The following SSH2 variants were observed in gnomAD, a reference collection of about 807,000 sequenced individuals.
SSH2 encodes protein phosphatase Slingshot homolog 2.
SSH2 carries 37 observed loss-of-function variants against 135.2 expected under a neutral mutation model. The ratio of observed to expected loss-of-function variants is 0.27; its 90% CI spans 0.21 to 0.36. The LOEUF is 0.36. SSH2 is among the 10% of genes least tolerant of loss of function. The pLI is 1.00. For missense variants in SSH2, 1,408 were observed against 1,765.3 expected (o/e 0.80, Z 3.63); for synonymous variants, 628 against 646.2 (o/e 0.97, Z 0.43).
chr17:29,869,795 G>T (rs150161808), intron 1 of SSH2, among the ~76,000 whole-genome samples: 2 of 152,134 alleles, frequency 1.3e-5, no homozygotes, highest in Admixed American at 1.3e-4. Flanking sequence ...CAGGAAGGTC[G>T]CCTGCAGAAA....
At chr17:29,744,031 G>T (rs767572076) in intron 3 of SSH2, among the ~76,000 whole-genome samples, 6 of 149,092 alleles carry the variant, frequency 4.0e-5, no homozygotes, top group Non-Finnish European at 8.9e-5. Flanking sequence ...TGATAAAATA[G>T]TCTCTGTGTC....
chr17:29,692,164 AAT>A (rs1440050011), intron 5 of SSH2, among the ~76,000 whole-genome samples: 4 of 100,860 alleles, frequency 4.0e-5, no homozygotes, highest in African/African-American at 8.1e-5. Flanking sequence ...ATAAATAAAA[AAT>A]AAAAAAAAAA....
chr17:29,848,971 G>C, intron 1 of SSH2, 42 bp from the exon 2 acceptor site: 1 of 1,374,970 alleles, frequency 7.3e-7, no homozygotes, highest in Non-Finnish European at 1.0e-6. Flanking sequence ...CAAACGAATG[G>C]GCCCATAAGC....
chr17:29,887,390 G>A (rs1330123847), intron 1 of SSH2, among the ~76,000 whole-genome samples: 1 of 152,118 alleles, frequency 6.6e-6, no homozygotes, highest in Non-Finnish European at 1.5e-5. Flanking sequence ...TATTTCCTAG[G>A]TCCTATTTCC....
At chr17:29,666,270 A>T (rs948516378) in intron 11 of SSH2, among the ~76,000 whole-genome samples, 8 of 152,178 alleles carry the variant, frequency 5.3e-5, no homozygotes, top group African/African-American at 1.9e-4. Context: ...GCTACTCAGG[A>T]GGCTGAGAAG....
intron 1 of SSH2, among the ~76,000 whole-genome samples, chr17:29,910,521 A>T (rs1247296916): frequency 7.9e-5 from 12 of 152,258 alleles, no homozygotes; most frequent in Non-Finnish European, 2.9e-5. Context: ...CAAAGATTAT[A>T]TCATTATATA....
At chr17:29,658,509 C>A (rs1218366160) in intron 11 of SSH2, among the ~76,000 whole-genome samples, 1 of 152,072 alleles carries the variant, frequency 6.6e-6, no homozygotes, top group Non-Finnish European at 1.5e-5. Context: ...TTTTTCTATT[C>A]TTTCCCATTT....
rs1416629624 is a variant in SSH2 at position 29,631,795 on chromosome 17, G to A, written c.3399C>T (p.Ser1133=). The A allele has an allele frequency of 1.2e-6, 2 of 1,614,214 alleles. No individual in the cohort carries two copies. The highest frequency in any genetic ancestry group is 2.2e-5 in the East Asian group (1 of 44,882). ...ILSSPEDRGS[S]LSTALETAAP... The stretch of plus-strand genomic sequence containing the variant: ...CTGCTGTCTCCAGGGCTGTGGACAG[G>A]CTGCTGCCTCTGTCTTCAGGGCTAC... Residue 1133 remains serine, a synonymous_variant, in exon 16 of 16, where the codon AGC becomes AGT. Transcript: ENST00000540801.
chr17:29,727,681 G>T (rs565874754), intron 3 of SSH2, among the ~76,000 whole-genome samples: 6 of 152,268 alleles, frequency 3.9e-5, no homozygotes, highest in Admixed American at 1.3e-4. Context: ...AAATGCAATT[G>T]TAACACTTAA....
intron 1 of SSH2, among the ~76,000 whole-genome samples, chr17:29,872,146 T>C (rs530666119): frequency 6.6e-6 from 1 of 152,368 alleles, no homozygotes; most frequent in Admixed American, 6.5e-5. Context: ...TTGTTTCTTT[T>C]GTATTATGCA....
chr17:29,734,871 T>A (rs189318223), intron 3 of SSH2, among the ~76,000 whole-genome samples: 27 of 152,282 alleles, frequency 1.8e-4, no homozygotes, highest in Middle Eastern at 3.4e-3. Flanking sequence ...GAGAAAAACA[T>A]TAGCTCACAT....
intron 3 of SSH2, among the ~76,000 whole-genome samples, chr17:29,772,419 G>A (rs889655314): frequency 6.6e-6 from 1 of 151,830 alleles, no homozygotes; most frequent in Admixed American, 6.6e-5. Flanking sequence ...ATAATTTTTT[G>A]TATTTTTAGT....
At chr17:29,752,869 C>A (rs2040993029) in intron 3 of SSH2, among the ~76,000 whole-genome samples, 2 of 149,168 alleles carry the variant, frequency 1.3e-5, no homozygotes, top group African/African-American at 2.5e-5. Context: ...AGATCAGTTA[C>A]ACATAAAAAG....
At chr17:29,893,845 C>G (rs776926772) in intron 1 of SSH2, among the ~76,000 whole-genome samples, 2 of 152,120 alleles carry the variant, frequency 1.3e-5, no homozygotes, top group Non-Finnish European at 2.9e-5. Context: ...ATTCTTCCAT[C>G]CCTTTTAAAG....
At chr17:29,927,981 T>C (rs1271301094) in intron 1 of SSH2, among the ~76,000 whole-genome samples, 2 of 152,252 alleles carry the variant, frequency 1.3e-5, no homozygotes, top group African/African-American at 2.4e-5. Flanking sequence ...TGAAGTCATA[T>C]CAAGTGTACA....
At chr17:29,702,710 C>T (rs1053224812) in intron 4 of SSH2, among the ~76,000 whole-genome samples, 1 of 152,114 alleles carries the variant, frequency 6.6e-6, no homozygotes, top group African/African-American at 2.4e-5. Context: ...TTCCATATAA[C>T]TTCATTATTT....
At chr17:29,692,159 T>A (rs1016797480) in intron 5 of SSH2, among the ~76,000 whole-genome samples, 29 of 96,762 alleles carry the variant, frequency 3.0e-4, no homozygotes, top group South Asian at 1.3e-3. Flanking sequence ...AATAAATAAA[T>A]AAAAAATAAA....
intron 2 of SSH2, among the ~76,000 whole-genome samples, chr17:29,845,016 C>G (rs1196428008): frequency 6.6e-6 from 1 of 152,128 alleles, no homozygotes; most frequent in Non-Finnish European, 1.5e-5. Flanking sequence ...TATACTTTCT[C>G]TAAGGGCCCC....
At chr17:29,860,714 G>A (rs1210790721) in intron 1 of SSH2, among the ~76,000 whole-genome samples, 2 of 151,444 alleles carry the variant, frequency 1.3e-5, no homozygotes, top group Non-Finnish European at 1.5e-5. Context: ...TTACAGGCAT[G>A]AGCTACTGTG....
Sources: allele counts gnomAD v4.1 joint callset (sites outside exome capture counted in the v4.1 genomes callset), GRCh38; gene constraint gnomAD v4.1.1; transcripts MANE v1.5; gene names NCBI Gene and HGNC (gene_info 2026-07-23, HGNC 2026-07-21).